Variants in COL23A1 observed in about 807,000 individuals in gnomAD.
COL23A1 encodes the protein collagen type XXIII alpha 1 chain, also known as collagen alpha-1(XXIII) chain.
In COL23A1, 97 loss-of-function variants were observed where a neutral mutation model predicts 99.3. That is an observed-to-expected ratio of 0.98 (90% CI 0.83 to 1.16). The LOEUF is 1.16. COL23A1 is among the 50% of genes most tolerant of loss of function. COL23A1 has a pLI of 0.00. For synonymous variants in COL23A1, 320 were observed against 308.2 expected (o/e 1.04, Z -0.40); for missense variants, 762 against 757.4 (o/e 1.01, Z -0.07).
At chr5:178,321,469 G>A (rs1759301137) in intron 2 of COL23A1, among the ~76,000 whole-genome samples, 1 of 150,418 alleles carries the variant, frequency 6.6e-6, no homozygotes, top group South Asian at 2.1e-4. Flanking sequence ...GTGATGACGA[G>A]GTCACCTTCC....
chr5:178,420,373 TCCTCCCCTCCCCCCTTTCCC>T (rs1561955822), intron 2 of COL23A1, among the ~76,000 whole-genome samples: 4 of 56,218 alleles, frequency 7.1e-5, no homozygotes, highest in Admixed American at 2.0e-4. Context: ...CTCTCTTTCC[TCCTCCCCTCCCCCCTTTCCC>T]CCTCCCCTCC....
intron 2 of COL23A1, among the ~76,000 whole-genome samples, chr5:178,318,998 A>G (rs564558875): frequency 2.0e-5 from 3 of 152,070 alleles, no homozygotes; most frequent in Non-Finnish European, 4.4e-5. Flanking sequence ...GGTGCTGGCT[A>G]CAAAGAAGCA....
intron 2 of COL23A1, among the ~76,000 whole-genome samples, chr5:178,381,358 G>A (rs1448358474): frequency 1.3e-5 from 2 of 152,316 alleles, no homozygotes; most frequent in East Asian, 1.9e-4. Flanking sequence ...CAGCAAGTAC[G>A]ATGGCCATGG....
Position 178,326,908 on chromosome 5 carries a change from C to T in COL23A1, c.362-19989G>A, listed in dbSNP as rs563665778. ...CTAATTTTCGTATTTTTAGTAGAGA[C>T]GGGGTTTCACCATGCTGGTCAGGCT... On this transcript the variant is annotated intron_variant, in intron 2 of 28. Transcript: ENST00000390654. Among the ~76,000 whole-genome samples the T allele has an allele frequency of 5.0e-4, 76 of 152,252 alleles. 1 individual carries two copies. Among genetic ancestry groups the T allele is most frequent in the Admixed American group, 1.2e-3 (18 of 15,292 alleles).
rs547010492 is a variant in COL23A1, at chr5:178,430,534, G to A, written c.362-123615C>T. ...TGCCAATACCCTGGCTCTCACCTCCGTGGGAAAGATCCATGTATGTCCACG... is the reference window on the plus strand; with the variant it reads ...TGCCAATACCCTGGCTCTCACCTCCATGGGAAAGATCCATGTATGTCCACG... On this transcript the variant is annotated intron_variant, in intron 2 of 28. Transcript: ENST00000390654. 3.3e-5 allele frequency among the ~76,000 whole-genome samples: 5 copies of A among 152,286 alleles called. No homozygotes were observed. In the East Asian group the frequency reaches 7.7e-4, roughly 24 times the overall value.
Position 178,257,309 on chromosome 5 carries a change from G to C in COL23A1, c.774+214C>G, listed in dbSNP as rs1415150558. Among the ~76,000 whole-genome samples the C allele has an allele frequency of 2.0e-5, 3 of 152,200 alleles. 1 individual carries two copies. The East Asian group carries it at 5.8e-4, about 29-fold the overall frequency. On this transcript the variant is annotated intron_variant, in intron 13 of 28. Transcript: ENST00000390654. ...GAGGCCCCCTAAGATGGAAACAAGA[G>C]GGCTTGAGGGAGTGAGGGAGGCACA...
At chr5:178,262,897 G>T (rs983953053) in intron 9 of COL23A1, among the ~76,000 whole-genome samples, 1 of 152,124 alleles carries the variant, frequency 6.6e-6, no homozygotes, top group Non-Finnish European at 1.5e-5. Context: ...ACCAGGATTT[G>T]GGAATGAGTT....
At chr5:178,375,468 C>T (rs565309144) in intron 2 of COL23A1, among the ~76,000 whole-genome samples, 15 of 152,236 alleles carry the variant, frequency 9.9e-5, no homozygotes, top group African/African-American at 2.9e-4. Context: ...GCCTTTCTCT[C>T]GGAACCCTGC....
At chr5:178,331,868 C>T (rs780177839) in intron 2 of COL23A1, among the ~76,000 whole-genome samples, 7 of 152,204 alleles carry the variant, frequency 4.6e-5, no homozygotes, top group East Asian at 1.9e-4. Context: ...GGCAGTCAGC[C>T]GGCAGGGCCA....
chr5:178,574,521 G>C (rs1395209757), intron 1 of COL23A1, among the ~76,000 whole-genome samples: 1 of 152,174 alleles, frequency 6.6e-6, no homozygotes, highest in African/African-American at 2.4e-5. Context: ...CTCGCCACGG[G>C]GTTGGATGCT....
intron 2 of COL23A1, among the ~76,000 whole-genome samples, chr5:178,321,713 T>A (rs190781928): frequency 2.0e-5 from 3 of 151,870 alleles, no homozygotes; most frequent in East Asian, 1.9e-4. Context: ...ATGGTCTCTA[T>A]CTCCCGACCT....
At chr5:178,422,784 T>C (rs1377909501) in intron 2 of COL23A1, among the ~76,000 whole-genome samples, 1 of 152,242 alleles carries the variant, frequency 6.6e-6, no homozygotes, top group South Asian at 2.1e-4. Context: ...TTAGGATAAA[T>C]TACCAGACTA....
intron 2 of COL23A1, among the ~76,000 whole-genome samples, chr5:178,513,000 C>T (rs370286906): frequency 2.6e-5 from 4 of 152,164 alleles, no homozygotes; most frequent in East Asian, 1.9e-4. Context: ...GGCATTAACC[C>T]GTGCCCAGTG....
chr5:178,350,565 C>T (rs994350943), intron 2 of COL23A1, among the ~76,000 whole-genome samples: 1 of 152,126 alleles, frequency 6.6e-6, no homozygotes, highest in African/African-American at 2.4e-5. Context: ...GTGTGGCTGC[C>T]CCAAGGATTC....
At position 178,434,871 on chromosome 5, in the gene COL23A1, C is replaced by T. The variant is rs1766467476; in HGVS notation, c.361+125811G>A. 6.6e-6 allele frequency among the ~76,000 whole-genome samples: 1 copy of T among 152,218 alleles called. No individual in the cohort carries two copies. Among genetic ancestry groups the T allele is most frequent in the Admixed American group, 6.5e-5 (1 of 15,290 alleles). ...AAAGCCTCTGCCCGCTGCAGGAAGG[C>T]AGGCATCCACTTCTGAACCCTCGGT... is the stretch of plus-strand genomic sequence containing the variant. On this transcript the variant is annotated intron_variant, in intron 2 of 28. Transcript: ENST00000390654. The surrounding 1 kb of genome is among the most constrained non-coding windows in gnomAD (Gnocchi z 4.3).
intron 2 of COL23A1, among the ~76,000 whole-genome samples, chr5:178,331,692 C>T (rs1760032266): frequency 1.3e-5 from 2 of 152,210 alleles, no homozygotes; most frequent in Non-Finnish European, 2.9e-5. Flanking sequence ...GGGTTACAGG[C>T]AGGGCTGGGC....
At chr5:178,473,174 T>A (rs1346298194) in intron 2 of COL23A1, among the ~76,000 whole-genome samples, 1 of 152,020 alleles carries the variant, frequency 6.6e-6, no homozygotes, top group Non-Finnish European at 1.5e-5. Context: ...CAAAAAATCA[T>A]ACAAATAAAA....
intron 2 of COL23A1, among the ~76,000 whole-genome samples, chr5:178,548,084 C>A (rs1761808281): frequency 2.3e-5 from 3 of 132,804 alleles, no homozygotes; most frequent in Admixed American, 1.6e-4. Flanking sequence ...CACACACACA[C>A]CCTATTGGTT....
chr5:178,479,797 T>C (rs1757232951), intron 2 of COL23A1, among the ~76,000 whole-genome samples: 1 of 152,240 alleles, frequency 6.6e-6, no homozygotes, highest in East Asian at 1.9e-4. Context: ...CTTTAAAATA[T>C]AGTCATGCCT....
Sources: allele counts gnomAD v4.1 joint callset (sites outside exome capture counted in the v4.1 genomes callset), GRCh38; gene constraint gnomAD v4.1.1; non-coding constraint Gnocchi (gnomAD v3.1); transcripts MANE v1.5; gene names NCBI Gene and HGNC (gene_info 2026-07-23, HGNC 2026-07-21).